Variants in DENND1B observed in about 807,000 individuals in gnomAD.
DENND1B encodes the protein DENN domain containing 1B.
In DENND1B, 59 loss-of-function variants were observed where a neutral mutation model predicts 90.1. The ratio of observed to expected loss-of-function variants is 0.65; its 90% CI spans 0.53 to 0.81. The LOEUF is 0.81. Ranked by LOEUF, DENND1B falls within the 40% of genes least tolerant of loss-of-function variation. The pLI, the probability that DENND1B is intolerant of heterozygous loss-of-function variation, is 0.00. For synonymous variants in DENND1B, 337 were observed against 324.6 expected, an observed-to-expected ratio of 1.04 and a Z score of -0.41; for missense variants, 862 against 912.6, an observed-to-expected ratio of 0.94 and a Z score of 0.71.
intron 2 of DENND1B, among the ~76,000 whole-genome samples, chr1:197,771,194 G>A (rs899904699): frequency 6.6e-6 from 1 of 152,098 alleles, no homozygotes; most frequent in Non-Finnish European, 1.5e-5. Context: ...TTATAGGCGT[G>A]AGCCACCGTG....
chr1:197,567,354 G>A (rs1672764529), intron 15 of DENND1B, among the ~76,000 whole-genome samples: 1 of 152,042 alleles, frequency 6.6e-6, no homozygotes, highest in South Asian at 2.1e-4. Context: ...TGAATCAGTA[G>A]TCAAAAATCT....
intron 3 of DENND1B, among the ~76,000 whole-genome samples, chr1:197,713,799 T>C (rs1172868849): frequency 2.2e-5 from 1 of 44,680 alleles, no homozygotes; most frequent in East Asian, 7.0e-4. Flanking sequence ...AATATTATTA[T>C]ATTATAATAT....
intron 5 of DENND1B, among the ~76,000 whole-genome samples, chr1:197,659,495 A>G (rs1654192333): frequency 6.6e-6 from 1 of 152,032 alleles, no homozygotes; most frequent in Non-Finnish European, 1.5e-5. Context: ...ACTTTAAAAT[A>G]TCTACCCAAC....
chr1:197,777,201 C>T (rs1235240884), upstream of DENND1B, among the ~76,000 whole-genome samples: 1 of 152,106 alleles, frequency 6.6e-6, no homozygotes, highest in African/African-American at 2.4e-5. Flanking sequence ...AAGAAAGGAA[C>T]CCTACTTGGG....
At chr1:197,580,087 CTTTT>C (rs139056668) in intron 15 of DENND1B, among the ~76,000 whole-genome samples, 1 of 76,744 alleles carries the variant, frequency 1.3e-5, no homozygotes, top group Non-Finnish European at 2.3e-5. Context: ...TTCTTTCTTT[CTTTT>C]TTTTTTTTTT....
At chr1:197,686,721 C>CTT (rs767332497) in intron 3 of DENND1B, among the ~76,000 whole-genome samples, 12 of 145,400 alleles carry the variant, frequency 8.3e-5, no homozygotes, top group South Asian at 2.2e-4. Context: ...ATATCTGTCT[C>CTT]TTTTTTTTTT....
At chr1:197,607,310 G>A (rs1486846614) in intron 12 of DENND1B, 136 bp from the exon 13 acceptor site, 9 of 492,552 alleles carry the variant, frequency 1.8e-5, no homozygotes. Flanking sequence ...TATTATGAAA[G>A]GATAGAAACA....
chr1:197,656,159 A>G (rs1249865551), intron 6 of DENND1B, among the ~76,000 whole-genome samples: 4 of 152,138 alleles, frequency 2.6e-5, no homozygotes, highest in Non-Finnish European at 4.4e-5. Context: ...GACTCTTTTC[A>G]TCTCTTCAGA....
intron 2 of DENND1B, among the ~76,000 whole-genome samples, chr1:197,727,622 A>G (rs573819171): frequency 6.6e-6 from 1 of 152,306 alleles, no homozygotes; most frequent in African/African-American, 2.4e-5. Context: ...TTCTAATAGA[A>G]AACAGTGATC....
At chr1:197,516,035 G>A (rs1276036568) in intron 20 of DENND1B, among the ~76,000 whole-genome samples, 1 of 151,664 alleles carries the variant, frequency 6.6e-6, no homozygotes, top group African/African-American at 2.4e-5. Context: ...CATGATATAA[G>A]CTTCACAGAT....
At chr1:197,734,765 T>C (rs17641481) in intron 2 of DENND1B, 31,275 of 983,746 alleles carry the variant, frequency 0.032, 528 homozygotes, top group Non-Finnish European at 0.036. Context: ...GTAATATAAA[T>C]TGATTTCCCA....
chr1:197,535,608 T>C (rs1044127883), intron 20 of DENND1B, among the ~76,000 whole-genome samples: 2 of 152,166 alleles, frequency 1.3e-5, no homozygotes, highest in Admixed American at 1.3e-4. Context: ...AATTAAACAT[T>C]GAAAAGCAAA....
intron 15 of DENND1B, among the ~76,000 whole-genome samples, chr1:197,570,174 C>T (rs1475463043): frequency 6.6e-6 from 1 of 151,498 alleles, no homozygotes; most frequent in Non-Finnish European, 1.5e-5. Flanking sequence ...GAGAGGATCA[C>T]CTGAGATCAG....
chr1:197,565,479 T>C (rs10922254), intron 15 of DENND1B, among the ~76,000 whole-genome samples: 117,738 of 151,636 alleles, frequency 0.78, 45,993 homozygotes, highest in East Asian at 0.87. Context: ...TTCTTTCTTT[T>C]TTTTTTCTTT....
chr1:197,761,456 T>C (rs951086880), intron 2 of DENND1B, among the ~76,000 whole-genome samples: 2 of 152,194 alleles, frequency 1.3e-5, no homozygotes, highest in African/African-American at 4.8e-5. Context: ...GGACATATGA[T>C]GTTCCCGTGT....
At chr1:197,524,442 C>T (rs1380160480) in intron 20 of DENND1B, among the ~76,000 whole-genome samples, 1 of 152,122 alleles carries the variant, frequency 6.6e-6, no homozygotes, top group East Asian at 1.9e-4. Context: ...CTCAAGTTCA[C>T]ATACCATCCA....
intron 13 of DENND1B, among the ~76,000 whole-genome samples, chr1:197,603,798 T>C (rs1208025562): frequency 6.6e-6 from 1 of 151,332 alleles, no homozygotes; most frequent in Non-Finnish European, 1.5e-5. Context: ...CAGAAATATA[T>C]TTTAAATTAT....
intron 5 of DENND1B, among the ~76,000 whole-genome samples, chr1:197,669,549 A>G (rs1655282909): frequency 6.6e-6 from 1 of 152,094 alleles, no homozygotes; most frequent in South Asian, 2.1e-4. Flanking sequence ...ATAGTTATCT[A>G]ATTTGCTGGT....
At chr1:197,739,957 T>C (rs1663060962) in intron 2 of DENND1B, among the ~76,000 whole-genome samples, 1 of 152,240 alleles carries the variant, frequency 6.6e-6, no homozygotes, top group Admixed American at 6.5e-5. Context: ...TAACAGTTCC[T>C]TTCAGTTACC....
Sources: gnomAD v4.1 joint callset for allele counts (sites outside exome capture counted in the v4.1 genomes callset) on GRCh38, gnomAD v4.1.1 for gene constraint, MANE v1.5 for transcripts, NCBI Gene and HGNC (gene_info 2026-07-23, HGNC 2026-07-21) for gene names.